Variants in DYNC2H1 observed in about 807,000 individuals in gnomAD.
DYNC2H1 encodes the protein cytoplasmic dynein 2 heavy chain 1.
Under a neutral mutation model 570.0 loss-of-function variants are expected in DYNC2H1, and 410 were observed. The observed-to-expected ratio is 0.72, with a 90% confidence interval of 0.66 to 0.78. The LOEUF is 0.78. DYNC2H1 is among the 30% of genes least tolerant of loss of function. The probability of loss-of-function intolerance (pLI) is 0.00; values close to 1 mark genes in which losing one functional copy is unlikely to be tolerated. For synonymous variants in DYNC2H1, 1,688 were observed against 1,677.6 expected, an observed-to-expected ratio of 1.01 and a Z score of -0.15; for missense variants, 4,865 against 5,046.4, an observed-to-expected ratio of 0.96 and a Z score of 1.09.
Position 103,479,411 on chromosome 11 carries a change from C to A in DYNC2H1, c.*158C>A. The A allele has an allele frequency of 3.0e-6, 2 of 668,116 alleles. No individual in the cohort carries two copies. The highest frequency in any genetic ancestry group is 4.4e-6 in the Non-Finnish European group (2 of 449,612). 41.4% of individuals were successfully genotyped at this position (668,116 alleles called of 1,614,324 possible). A position where few individuals can be genotyped will look rare whatever the true frequency, so the allele number is the denominator to read the frequency against. Reference sequence around the variant, plus strand: ...CTGAAATTTTAATGTGTAAAAGCAGCACTGTGCATCTTTTAAAGTAATAAA... The same window carrying A: ...CTGAAATTTTAATGTGTAAAAGCAGAACTGTGCATCTTTTAAAGTAATAAA... On this transcript the variant is annotated 3_prime_UTR_variant, in exon 89 of 89. Coordinates refer to ENST00000375735, the MANE Select transcript of DYNC2H1 (RefSeq NM_001377.3).
In DYNC2H1 at chr11:103,282,178, G is replaced by C; in HGVS notation, c.10762-1G>C. 3 of 1,606,186 alleles carry C rather than the reference G, an allele frequency of 1.9e-6. No individual in the cohort carries two copies. Among genetic ancestry groups the C allele is most frequent in the Non-Finnish European group, 2.5e-6 (3 of 1,176,660 alleles). ...TGTGTTCCTATATTTTTATTCAATA[G>C]GAATGGGATACGTTTACAGGTGTGG... On this transcript the variant is annotated splice_acceptor_variant, in intron 71 of 88. Transcript: ENST00000375735. LOFTEE classifies it high-confidence loss of function.
At position 103,186,767 on chromosome 11, in the gene DYNC2H1, A is replaced by AAT. The variant is rs564294283; in HGVS notation, c.6893+267_6893+268insTA. On this transcript the variant is annotated intron_variant, in intron 42 of 88. Transcript: ENST00000375735. This position sits in a 1 kb window ranked among gnomAD's most constrained non-coding sequence, Gnocchi z 4.5. ...TCCGTCCATATAATACAGCAAAAAAAAAAAAAAGAATGCCTTATATATACT... is the reference window on the plus strand; with the variant it reads ...TCCGTCCATATAATACAGCAAAAAAAATAAAAAAAGAATGCCTTATATATACT... Among the ~76,000 whole-genome samples the AAT allele has an allele frequency of 1.8e-3, 266 of 151,848 alleles. 3 individuals are homozygous for AAT. The highest frequency in any genetic ancestry group is 6.3e-3 in the African/African-American group (261 of 41,452).
chr11:103,295,342 G>T (rs528665489), intron 75 of DYNC2H1, among the ~76,000 whole-genome samples: 9 of 152,178 alleles, frequency 5.9e-5, no homozygotes, highest in Non-Finnish European at 1.3e-4. Context: ...AAGCTTTCCT[G>T]TATTAGGCTG....
At chr11:103,314,447 G>A (rs145295223) in intron 79 of DYNC2H1, among the ~76,000 whole-genome samples, 1 of 151,992 alleles carries the variant, frequency 6.6e-6, no homozygotes, top group South Asian at 2.1e-4. Context: ...TGTTGGATGG[G>A]CATATATATT....
intron 77 of DYNC2H1, among the ~76,000 whole-genome samples, chr11:103,305,000 TC>T (rs1373099621): frequency 6.6e-6 from 1 of 152,158 alleles, no homozygotes; most frequent in African/African-American, 2.4e-5. Context: ...ACCATGAGTT[TC>T]TTTTTTTGCT....
intron 85 of DYNC2H1, among the ~76,000 whole-genome samples, chr11:103,436,905 C>T (rs1281823103): frequency 6.6e-6 from 1 of 152,114 alleles, no homozygotes; most frequent in African/African-American, 2.4e-5. Flanking sequence ...TATCCTAACT[C>T]ACTTTTCTTT....
rs1944419944 is a variant in DYNC2H1, at chr11:103,446,206, T to G, written c.12457-8980T>G. The stretch of plus-strand genomic sequence containing the variant: ...GCTACTGGAATTGGAAATAGAAAAT[T>G]AGCAATTATCAGCATATCAACATAG... On this transcript the variant is annotated intron_variant, in intron 85 of 88. Coordinates refer to ENST00000375735, the MANE Select transcript of DYNC2H1 (RefSeq NM_001377.3). This position sits in a 1 kb window ranked among gnomAD's most constrained non-coding sequence, Gnocchi z 4.5. 6.6e-6 allele frequency among the ~76,000 whole-genome samples: 1 copy of G among 152,066 alleles called. No homozygotes were observed. Among genetic ancestry groups the G allele is most frequent in the African/African-American group, 2.4e-5 (1 of 41,404 alleles).
rs747119495 is a variant in DYNC2H1 at position 103,228,164 on chromosome 11, G to A, written c.9354-3096G>A. On this transcript the variant is annotated intron_variant, in intron 59 of 88. Transcript: ENST00000375735. The surrounding 1 kb of genome is among the most constrained non-coding windows in gnomAD (Gnocchi z 6.1). Reference sequence around the variant, plus strand: ...TGCCATTGTGTATCTTTTAAGTGGAGCATTTACGCCATTTACGTTCAGTGT... The same window carrying A: ...TGCCATTGTGTATCTTTTAAGTGGAACATTTACGCCATTTACGTTCAGTGT... Among the ~76,000 whole-genome samples the A allele has an allele frequency of 3.3e-5, 5 of 152,142 alleles. No individual in the cohort carries two copies. The highest frequency in any genetic ancestry group is 7.4e-5 in the Non-Finnish European group (5 of 68,014).
chr11:103,144,205 C>T (rs1449964130), intron 18 of DYNC2H1, among the ~76,000 whole-genome samples: 2 of 152,172 alleles, frequency 1.3e-5, no homozygotes, highest in African/African-American at 4.8e-5. Flanking sequence ...AGCTGTATGA[C>T]TGACAGTCAT....
intron 85 of DYNC2H1, among the ~76,000 whole-genome samples, chr11:103,448,540 G>A (rs1944499777): frequency 1.3e-5 from 2 of 151,978 alleles, no homozygotes; most frequent in Admixed American, 1.3e-4. Flanking sequence ...GCCTTAGGAG[G>A]GGAAATGCAA....
intron 26 of DYNC2H1, 142 bp downstream of exon 26, chr11:103,156,912 T>C: frequency 9.5e-7 from 1 of 1,057,530 alleles, no homozygotes. Context: ...TGGATCCTTT[T>C]GAGAAGCTAT....
intron 53 of DYNC2H1, among the ~76,000 whole-genome samples, chr11:103,210,544 G>C (rs1387313639): frequency 2.6e-5 from 4 of 152,008 alleles, no homozygotes; most frequent in African/African-American, 9.7e-5. Context: ...TCATAGTCCA[G>C]TGATAGTGAG....
At position 103,411,842 on chromosome 11, in the gene DYNC2H1, TTTGAA is replaced by T. The variant is rs1184405800; in HGVS notation, c.12366+11973_12366+11977del. 3.3e-5 allele frequency among the ~76,000 whole-genome samples: 5 copies of T among 152,188 alleles called. No individual in the cohort carries two copies. The East Asian group carries it at 9.6e-4, about 29-fold the overall frequency. ...ATATATAAAGTATTCTATATTATACTTTGAATTAAGAAATGCAGCCTCAGAAAATA... is the reference window on the plus strand; with the variant it reads ...ATATATAAAGTATTCTATATTATACTTTAAGAAATGCAGCCTCAGAAAATA... On this transcript the variant is annotated intron_variant, in intron 84 of 88. Coordinates refer to ENST00000375735, the MANE Select transcript of DYNC2H1 (RefSeq NM_001377.3).
chr11:103,191,695 A>G (rs1862321331), intron 46 of DYNC2H1, 76 bp downstream of exon 46: 1 of 708,898 alleles, frequency 1.4e-6, no homozygotes, highest in East Asian at 3.2e-5. Context: ...TTTGTAATAG[A>G]TAAGTTAAAT....
At position 103,170,648 on chromosome 11, in the gene DYNC2H1, C is replaced by A. The variant is rs76376046; in HGVS notation, c.5152-238C>A. ...ATTTTGACTTAAAGAGTAACTAACA[C>A]AAATCTTGTATTTTTTCTGCAAGCT... On this transcript the variant is annotated intron_variant, in intron 33 of 88. Transcript: ENST00000375735. This position sits in a 1 kb window ranked among gnomAD's most constrained non-coding sequence, Gnocchi z 4.8. Among the ~76,000 whole-genome samples the A allele has an allele frequency of 2.6e-3, 393 of 152,226 alleles. 4 individuals are homozygous for A. In the East Asian group the frequency reaches 0.054, roughly 21 times the overall value.
intron 88 of DYNC2H1, among the ~76,000 whole-genome samples, chr11:103,477,550 G>C (rs1670271408): frequency 6.6e-6 from 1 of 152,006 alleles, no homozygotes; most frequent in East Asian, 1.9e-4. Context: ...ATTATCAATT[G>C]GCCGGATGCA....
At chr11:103,463,143 A>G (rs1043036096) in intron 87 of DYNC2H1, among the ~76,000 whole-genome samples, 8 of 152,164 alleles carry the variant, frequency 5.3e-5, no homozygotes, top group African/African-American at 1.7e-4. Context: ...TGATTCATCC[A>G]CTCTTATCTA....
intron 12 of DYNC2H1, among the ~76,000 whole-genome samples, chr11:103,127,896 T>C (rs1383803319): frequency 6.6e-6 from 1 of 152,194 alleles, no homozygotes; most frequent in East Asian, 1.9e-4. Flanking sequence ...TAGTGATAAA[T>C]GCCTTGAAGA....
At chr11:103,385,609 A>G (rs940499938) in intron 83 of DYNC2H1, among the ~76,000 whole-genome samples, 5 of 152,192 alleles carry the variant, frequency 3.3e-5, no homozygotes, top group African/African-American at 1.2e-4. Context: ...CTAAAATCCT[A>G]TATTAAATCC....
Sources: allele counts gnomAD v4.1 joint callset (sites outside exome capture counted in the v4.1 genomes callset), GRCh38; gene constraint gnomAD v4.1.1; non-coding constraint Gnocchi (gnomAD v3.1); transcripts MANE v1.5; gene names NCBI Gene and HGNC (gene_info 2026-07-23, HGNC 2026-07-21).